PGM2L1: variants seen among roughly 807,000 people sequenced by gnomAD.
PGM2L1 encodes glucose 1,6-bisphosphate synthase.
A neutral mutation model predicts 73.4 loss-of-function variants in PGM2L1; 35 were observed. The ratio of observed to expected loss-of-function variants is 0.48; its 90% CI spans 0.36 to 0.63. The LOEUF is 0.63. Among genes scored for constraint, PGM2L1 ranks in the 30% least tolerant of loss-of-function variants. The pLI is 0.00. For synonymous variants in PGM2L1, 225 were observed against 253.8 expected, an observed-to-expected ratio of 0.89 and a Z score of 1.08; for missense variants, 570 against 742.0, an observed-to-expected ratio of 0.77 and a Z score of 2.69.
At chr11:74,358,889 AAAAAAC>A (rs1343557202) in intron 5 of PGM2L1, among the ~76,000 whole-genome samples, 1 of 152,158 alleles carries the variant, frequency 6.6e-6, no homozygotes, top group Non-Finnish European at 1.5e-5. Flanking sequence ...GCTCCATCTC[AAAAAAC>A]AAAAACAAAA....
intron 2 of PGM2L1, among the ~76,000 whole-genome samples, 177 bp from the exon 3 acceptor site, chr11:74,371,994 T>C (rs1862768103): frequency 6.6e-6 from 1 of 152,114 alleles, no homozygotes; most frequent in Non-Finnish European, 1.5e-5. Flanking sequence ...AAATGTAAGA[T>C]GACAAACATG....
intron 1 of PGM2L1, among the ~76,000 whole-genome samples, chr11:74,395,549 C>CTTTTTTTTTT (rs60883108): frequency 1.8e-4 from 12 of 64,944 alleles, no homozygotes; most frequent in South Asian, 9.6e-4. Flanking sequence ...CCTCGCCTGG[C>CTTTTTTTTTT]TTTTTTTTTT....
intron 1 of PGM2L1, among the ~76,000 whole-genome samples, chr11:74,391,050 T>C (rs1260798300): frequency 2.0e-5 from 3 of 152,152 alleles, no homozygotes; most frequent in Non-Finnish European, 4.4e-5. Context: ...GATCCATCAA[T>C]TAATTGTTCA....
intron 2 of PGM2L1, among the ~76,000 whole-genome samples, chr11:74,374,166 C>T (rs606866): frequency 0.02 from 2,977 of 152,022 alleles, 107 homozygotes; most frequent in African/African-American, 0.068. Context: ...TCACTGCAAC[C>T]TCCGACTCCC....
At chr11:74,381,609 C>T (rs534132964) in intron 1 of PGM2L1, among the ~76,000 whole-genome samples, 4 of 115,904 alleles carry the variant, frequency 3.5e-5, no homozygotes, top group East Asian at 2.5e-4. Flanking sequence ...GACAGAGTCT[C>T]GTTCTGTTGC....
intron 13 of PGM2L1, 42 bp from the exon 14 acceptor site, chr11:74,336,796 A>T: frequency 7.3e-7 from 1 of 1,374,192 alleles, no homozygotes; most frequent in Non-Finnish European, 1.0e-6. Flanking sequence ...TTATTTTCAT[A>T]GGCTTAAAAT....
intron 6 of PGM2L1, among the ~76,000 whole-genome samples, chr11:74,351,041 T>C (rs1347799660): frequency 6.6e-6 from 1 of 152,248 alleles, no homozygotes; most frequent in African/African-American, 2.4e-5. Flanking sequence ...GATTTGCCTA[T>C]TCTACATATG....
At chr11:74,353,939 C>T (rs1406249348) in intron 5 of PGM2L1, among the ~76,000 whole-genome samples, 1 of 151,814 alleles carries the variant, frequency 6.6e-6, no homozygotes, top group Non-Finnish European at 1.5e-5. Flanking sequence ...GATGCTCCCA[C>T]ATTTCAAGCC....
chr11:74,374,389 C>T (rs748515474), intron 2 of PGM2L1, 26 bp downstream of exon 2: 17 of 1,519,056 alleles, frequency 1.1e-5, no homozygotes, highest in Non-Finnish European at 1.5e-5. Flanking sequence ...GTCAAAAGTA[C>T]ACTCTTAATA....
intron 5 of PGM2L1, chr11:74,354,439 T>G: frequency 2.8e-6 from 2 of 709,606 alleles, no homozygotes; most frequent in Non-Finnish European, 5.0e-6. Context: ...TTCCCCCTGC[T>G]GTCATGTCTA....
chr11:74,355,596 G>T, intron 5 of PGM2L1: 1 of 401,348 alleles, frequency 2.5e-6, no homozygotes, highest in Admixed American at 3.1e-5. Flanking sequence ...TCCATGAAGG[G>T]AAGAAACTTT....
intron 1 of PGM2L1, among the ~76,000 whole-genome samples, chr11:74,385,907 A>G (rs1454882776): frequency 6.6e-6 from 1 of 152,204 alleles, no homozygotes; most frequent in Non-Finnish European, 1.5e-5. Flanking sequence ...TTTACATGTT[A>G]TAGAAATAAT....
rs1379183994 is a variant in PGM2L1, at chr11:74,350,933, G to GAA, written c.749+449_749+450insTT. On this transcript the variant is annotated intron_variant, in intron 6 of 13. Transcript: ENST00000298198. ...AGAGAGAGAGAAAGAGAGAGAGAGA[G>GAA]AGAGAAAGAAACTAACTCTATAACC... is the stretch of plus-strand genomic sequence containing the variant. Among the ~76,000 whole-genome samples, 33 of 150,996 alleles carry GAA rather than the reference G, an allele frequency of 2.2e-4. 1 individual carries two copies. Among genetic ancestry groups the GAA allele is most frequent in the Non-Finnish European group, 1.2e-4 (8 of 67,862 alleles).
At position 74,398,187 on chromosome 11, in the gene PGM2L1, G is replaced by A. The variant is rs200905130; in HGVS notation, c.-26C>T. On this transcript the variant is annotated 5_prime_UTR_variant, in exon 1 of 14. Coordinates refer to ENST00000298198, the MANE Select transcript of PGM2L1 (RefSeq NM_173582.6). The stretch of plus-strand genomic sequence containing the variant: ...GGCGACCAGACAGGCGTACGGGCCG[G>A]GGGCCGGCGAAGACACTGAGTTGGG... The A allele has an allele frequency of 1.7e-5, 27 of 1,595,672 alleles. 1 individual carries two copies. The East Asian group carries it at 5.9e-4, about 35-fold the overall frequency.
intron 8 of PGM2L1, among the ~76,000 whole-genome samples, chr11:74,346,316 G>C (rs1405995319): frequency 5.4e-5 from 7 of 128,918 alleles, no homozygotes; most frequent in African/African-American, 2.0e-4. Flanking sequence ...CAAAAAAAAA[G>C]GTTAGGAAAT....
chr11:74,379,188 C>T lies in PGM2L1; in HGVS notation c.112-4606G>A, dbSNP rs192607741. Reference sequence around the variant, plus strand: ...TGAGGCCCAGGAAGCTTTTAGTCATCGCAGAAGGGAAGGATAGCCAGCCTA... The same window carrying T: ...TGAGGCCCAGGAAGCTTTTAGTCATTGCAGAAGGGAAGGATAGCCAGCCTA... On this transcript the variant is annotated intron_variant, in intron 1 of 13. Transcript: ENST00000298198. Among the ~76,000 whole-genome samples, 22 of 152,240 alleles carry T rather than the reference C, an allele frequency of 1.4e-4. No individual in the cohort carries two copies. The East Asian group carries it at 4.1e-3, about 28-fold the overall frequency.
At chr11:74,375,798 GTTTCTGTTTCATAAA>G (rs1862845393) in intron 1 of PGM2L1, among the ~76,000 whole-genome samples, 1 of 152,142 alleles carries the variant, frequency 6.6e-6, no homozygotes, top group African/African-American at 2.4e-5. Context: ...GACTCAAGCA[GTTTCTGTTTCATAAA>G]TGGCACACAC....
At chr11:74,358,571 T>C (rs892806342) in intron 5 of PGM2L1, among the ~76,000 whole-genome samples, 1 of 152,186 alleles carries the variant, frequency 6.6e-6, no homozygotes, top group African/African-American at 2.4e-5. Context: ...CAAACTTTCT[T>C]TGCATATTCC....
chr11:74,349,128 T>A (rs1379261908), intron 6 of PGM2L1, among the ~76,000 whole-genome samples: 1 of 152,276 alleles, frequency 6.6e-6, no homozygotes, highest in Non-Finnish European at 1.5e-5. Flanking sequence ...GCATTTATTG[T>A]ATTTTTCTTT....
Sources: allele counts gnomAD v4.1 joint callset (sites outside exome capture counted in the v4.1 genomes callset), GRCh38; gene constraint gnomAD v4.1.1; transcripts MANE v1.5; gene names NCBI Gene and HGNC (gene_info 2026-07-23, HGNC 2026-07-21).